Variants in DPP6 observed in about 807,000 individuals in gnomAD.
DPP6 encodes the protein dipeptidyl peptidase like 6.
In DPP6, 69 loss-of-function variants were observed where a neutral mutation model predicts 122.6. That is an observed-to-expected ratio of 0.56 (90% CI 0.46 to 0.69). DPP6 has a LOEUF of 0.69. DPP6 is among the 30% of genes least tolerant of loss of function. The pLI is 0.00. For synonymous variants in DPP6, 418 were observed against 433.1 expected (o/e 0.97, Z 0.43); for missense variants, 928 against 1,116.9 (o/e 0.83, Z 2.41).
At chr7:154,530,096 G>T (rs1827719561) in intron 3 of DPP6, among the ~76,000 whole-genome samples, 1 of 151,172 alleles carries the variant, frequency 6.6e-6, no homozygotes, top group African/African-American at 2.4e-5. Flanking sequence ...ACTGCACTCA[G>T]CCAGGGTGTC....
chr7:154,271,351 T>C (rs1213343032), intron 1 of DPP6, among the ~76,000 whole-genome samples: 3 of 152,084 alleles, frequency 2.0e-5, no homozygotes, highest in Admixed American at 6.5e-5. Context: ...CGAACACATA[T>C]ATTGTTGCAA....
At chr7:153,937,319 T>C (rs1735958411) in intron 1 of DPP6, among the ~76,000 whole-genome samples, 1 of 152,054 alleles carries the variant, frequency 6.6e-6, no homozygotes, top group Admixed American at 6.6e-5. Flanking sequence ...AAGCCTCAAT[T>C]CCCTCCTAAC....
At chr7:153,764,796 A>T in the DPP6 span, among the ~76,000 whole-genome samples, 114 of 151,240 alleles carry the variant, frequency 7.5e-4, no homozygotes, top group Non-Finnish European at 1.4e-3. Context: ...CTGGCTTATG[A>T]GAAACACCCA....
At chr7:154,752,862 G>A (rs1232356140) in intron 8 of DPP6, among the ~76,000 whole-genome samples, 1 of 152,190 alleles carries the variant, frequency 6.6e-6, no homozygotes, top group African/African-American at 2.4e-5. Context: ...TTAAGACCAA[G>A]GGAAAGACAT....
At position 154,893,483 on chromosome 7, in the gene DPP6, GA is replaced by G. The variant is rs897209553; in HGVS notation, c.*1009del. The G allele has an allele frequency of 1.2e-5, 1 of 82,320 alleles. No homozygotes were observed. The highest frequency in any genetic ancestry group is 2.6e-5 in the Non-Finnish European group (1 of 37,838). The allele number at this position is 82,320 out of a possible 1,614,324, so 5.1% of individuals were successfully genotyped here. A position where few individuals can be genotyped will look rare whatever the true frequency, so the allele number is the denominator to read the frequency against. On this transcript the variant is annotated 3_prime_UTR_variant, in exon 26 of 26. Coordinates refer to ENST00000377770, the MANE Select transcript of DPP6 (RefSeq NM_130797.4). The stretch of plus-strand genomic sequence containing the variant: ...AAAAAAAAAAAAAAAAAAAAAAACA[GA>G]AAAAAGACAAAGCGTCAACTCCACC...
intron 1 of DPP6, among the ~76,000 whole-genome samples, chr7:153,893,503 G>T (rs1799290698): frequency 6.6e-6 from 1 of 152,252 alleles, no homozygotes; most frequent in Admixed American, 6.5e-5. Flanking sequence ...CTGTGCATTT[G>T]TGAGAAAGGC....
intron 1 of DPP6, among the ~76,000 whole-genome samples, chr7:154,240,053 T>G (rs543133036): frequency 1.4e-5 from 2 of 147,090 alleles, no homozygotes; most frequent in East Asian, 2.0e-4. Flanking sequence ...TACAAGGATT[T>G]TCAGCTGCTC....
chr7:153,887,871 TC>T, intron 1 of DPP6: 1 of 923,898 alleles, frequency 1.1e-6, no homozygotes, highest in Non-Finnish European at 1.5e-6. Flanking sequence ...GCGGCGCTTC[TC>T]CCACTTCCCA....
chr7:154,141,611 C>A (rs71534108), intron 1 of DPP6, among the ~76,000 whole-genome samples: 5 of 152,186 alleles, frequency 3.3e-5, no homozygotes, highest in South Asian at 2.1e-4. Context: ...CAACATTTCC[C>A]TTTCTTCTGC....
At chr7:154,441,337 T>G (rs757767923) in intron 1 of DPP6, among the ~76,000 whole-genome samples, 2 of 152,236 alleles carry the variant, frequency 1.3e-5, no homozygotes, top group Non-Finnish European at 2.9e-5. Flanking sequence ...TGCTAAAACA[T>G]TACTTGGTGG....
chr7:154,424,027 T>C (rs141940104), intron 1 of DPP6, among the ~76,000 whole-genome samples: 46 of 152,266 alleles, frequency 3.0e-4, no homozygotes, highest in African/African-American at 1.1e-3. Context: ...TGTGGACACA[T>C]ATATGAAAAT....
chr7:154,345,397 A>G (rs1452297152), intron 1 of DPP6, among the ~76,000 whole-genome samples: 1 of 152,188 alleles, frequency 6.6e-6, no homozygotes, highest in Non-Finnish European at 1.5e-5. Flanking sequence ...TGCTACTTGC[A>G]AATAATTTCA....
intron 1 of DPP6, among the ~76,000 whole-genome samples, chr7:154,225,099 G>A (rs1209566533): frequency 6.6e-6 from 1 of 152,056 alleles, no homozygotes; most frequent in Non-Finnish European, 1.5e-5. Context: ...CCGAGACTGT[G>A]CCACTGCACT....
At chr7:153,980,637 T>C (rs536234235) in intron 1 of DPP6, among the ~76,000 whole-genome samples, 1 of 152,300 alleles carries the variant, frequency 6.6e-6, no homozygotes, top group South Asian at 2.1e-4. Flanking sequence ...GATTGTGAAG[T>C]TAGGGTGTCA....
intron 1 of DPP6, among the ~76,000 whole-genome samples, chr7:154,346,639 G>C (rs1267585657): frequency 6.6e-6 from 1 of 152,080 alleles, no homozygotes; most frequent in Non-Finnish European, 1.5e-5. Context: ...GACCCCCCCT[G>C]TGTCTTGAGG....
chr7:154,062,014 AG>A (rs750730060), intron 1 of DPP6, among the ~76,000 whole-genome samples: 30,763 of 92,254 alleles, frequency 0.33, 4,763 homozygotes, highest in South Asian at 0.43. Context: ...CCCCCATCGC[AG>A]GGGGGGGGAG....
At chr7:154,278,812 G>T (rs1184084197) in intron 1 of DPP6, among the ~76,000 whole-genome samples, 1 of 152,172 alleles carries the variant, frequency 6.6e-6, no homozygotes, top group Non-Finnish European at 1.5e-5. Context: ...GTATGTATGT[G>T]TGTGTGCAGT....
the DPP6 span, among the ~76,000 whole-genome samples, chr7:153,788,952 C>T: frequency 2.1e-4 from 30 of 142,404 alleles, no homozygotes; most frequent in South Asian, 4.7e-4. Flanking sequence ...GCAACATGAG[C>T]GAAAGTCTGT....
chr7:154,497,468 A>T (rs1824845589), intron 3 of DPP6, among the ~76,000 whole-genome samples: 2 of 151,894 alleles, frequency 1.3e-5, no homozygotes, highest in South Asian at 2.1e-4. Context: ...AATTAGCAGG[A>T]TGTGGTGGCG....
Sources: allele counts gnomAD v4.1 joint callset (sites outside exome capture counted in the v4.1 genomes callset), GRCh38; gene constraint gnomAD v4.1.1; transcripts MANE v1.5; gene names NCBI Gene and HGNC (gene_info 2026-07-23, HGNC 2026-07-21).